The following NOS3 variants were observed in gnomAD, a reference collection of about 807,000 sequenced individuals.
NOS3 encodes nitric oxide synthase 3.
A neutral mutation model predicts 144.9 loss-of-function variants in NOS3; 98 were observed. That is an observed-to-expected ratio of 0.68 (90% CI 0.57 to 0.80). NOS3 has a LOEUF of 0.80. Among genes scored for constraint, NOS3 ranks in the 30% least tolerant of loss-of-function variants. NOS3 has a pLI of 0.00. For synonymous variants in NOS3, 714 were observed against 702.4 expected (o/e 1.02, Z -0.26); for missense variants, 1,465 against 1,656.4 (o/e 0.88, Z 2.01).
chr7:151,002,179 C>T lies in NOS3; in HGVS notation c.1648-21C>T. On this transcript the variant is annotated intron_variant, in intron 13 of 26. Transcript: ENST00000297494. This position sits in a 1 kb window ranked among gnomAD's most constrained non-coding sequence, Gnocchi z 4.1. ...CCTCCGGGGGCCACAGCACCCAGGACATCTGTCTTCCCACCCACAGGTCCT... is the reference window on the plus strand; with the variant it reads ...CCTCCGGGGGCCACAGCACCCAGGATATCTGTCTTCCCACCCACAGGTCCT... 1.3e-6 allele frequency: 2 copies of T among 1,541,556 alleles called. No individual in the cohort carries two copies. The highest frequency in any genetic ancestry group is 1.8e-6 in the Non-Finnish European group (2 of 1,127,306).
At position 150,995,230 on chromosome 7, in the gene NOS3, C is replaced by A. The variant is rs1048775049; in HGVS notation, c.186C>A (p.Pro62=). 1.2e-6 allele frequency: 2 copies of A among 1,610,868 alleles called. No individual in the cohort carries two copies. The highest frequency in any genetic ancestry group is 2.7e-5 in the African/African-American group (2 of 74,838). ...CCCCGAGCTCCCCGCTAACCCAGCC[C>A]CCAGAGGGGCCCAAGTTCCCTCGTG... ...HSPPSSPLTQ[P]PEGPKFPRVK... Residue 62 remains proline, a synonymous_variant, in exon 3 of 27, where the codon CCC becomes CCA. Coordinates refer to ENST00000297494, the MANE Select transcript of NOS3 (RefSeq NM_000603.5).
At chr7:151,012,893 A>C in intron 24 of NOS3, 1 of 358,078 alleles carries the variant, frequency 2.8e-6, no homozygotes, top group Non-Finnish European at 5.1e-6. Flanking sequence ...CTGGGAGGAG[A>C]GTTATAAGTA....
chr7:151,013,552 TCCCGCCCCTGC>T (rs902753979), intron 25 of NOS3, 161 bp from the exon 26 acceptor site: 6 of 931,714 alleles, frequency 6.4e-6, no homozygotes, highest in African/African-American at 6.0e-5. Flanking sequence ...GCCCGCCTCC[TCCCGCCCCTGC>T]CCCGCCCCTT....
At position 151,014,004 on chromosome 7, in the gene NOS3, A is replaced by G; in HGVS notation, c.3451-4A>G. On this transcript the variant is annotated splice_polypyrimidine_tract_variant and splice_region_variant and intron_variant, in intron 26 of 26. Coordinates refer to ENST00000297494, the MANE Select transcript of NOS3 (RefSeq NM_000603.5). ...TTCTGATCCACTGTGCTCTTTTCCG[A>G]CAGGATCAGCAACGCTACCACGAAG... The G allele has an allele frequency of 6.2e-7, 1 of 1,611,916 alleles. No homozygotes were observed. The highest frequency in any genetic ancestry group is 8.5e-7 in the Non-Finnish European group (1 of 1,178,568).
Position 151,010,986 on chromosome 7 carries a change from GGTAA to G in NOS3, c.2984+3_2984+6del, listed in dbSNP as rs756667505. ...GACCCTGTGCCCTGCTTCATCCGGG[GGTAA>G]GTGAGATGGAAGACTTGGTGGGGAG... On this transcript the variant is annotated splice_donor_variant and splice_donor_region_variant and intron_variant, in intron 23 of 26. Coordinates refer to ENST00000297494, the MANE Select transcript of NOS3 (RefSeq NM_000603.5). LOFTEE classifies it high-confidence loss of function. 9.9e-6 allele frequency: 16 copies of G among 1,611,610 alleles called. No homozygotes were observed. The highest frequency in any genetic ancestry group is 4.5e-5 in the East Asian group (2 of 44,830).
chr7:151,010,211 G>A lies in NOS3; in HGVS notation c.2609G>A (p.Ser870Asn), dbSNP rs200630478. ...TTCCTGGACATCACCTCCCCACCCA[G>A]CCCTCAGCTCTTGCGGCTGCTCAGC... ...TFFLDITSPPSPQLLRLLSTL... is the reference protein window; with the variant it reads ...TFFLDITSPPNPQLLRLLSTL... The change falls in exon 21 of 27, where the codon AGC becomes AAC. Residue 870 changes from serine (S) to asparagine (N), a missense_variant. Around this residue, in one of 5 missense-constraint regions of NOS3, gnomAD observed 745 missense variants for 853.9 expected, o/e 0.87. Transcript: ENST00000297494. 6 of 1,612,690 alleles carry A rather than the reference G, an allele frequency of 3.7e-6. No homozygotes were observed. Among genetic ancestry groups the A allele is most frequent in the Middle Eastern group, 2.0e-4 (1 of 4,980 alleles).
At position 150,998,663 on chromosome 7, in the gene NOS3, A is replaced by G. The variant is rs1298737430; in HGVS notation, c.799A>G (p.Asn267Asp). 1 of 1,607,850 alleles carries G rather than the reference A, an allele frequency of 6.2e-7. No individual in the cohort carries two copies. Among genetic ancestry groups the G allele is most frequent in the East Asian group, 2.2e-5 (1 of 44,712 alleles). The part of the protein sequence containing the change: ...QDGSVRGDPA[N>D]VEITELCIQH... ...TGGCTCTGTGCGGGGGGACCCAGCC[A>G]ACGTGGAGATCACCGAGGTGGGCAC... Residue 267 changes from asparagine to aspartate, a missense_variant, in exon 7 of 27, where the codon AAC becomes GAC. Coordinates refer to ENST00000297494, the MANE Select transcript of NOS3 (RefSeq NM_000603.5). The surrounding 1 kb of genome is among the most constrained non-coding windows in gnomAD (Gnocchi z 5.0).
In NOS3 at chr7:150,993,868, G is replaced by A; in HGVS notation, c.65G>A (p.Gly22Asp). ...GPPCGLGLGL[G>D]LGLCGKQGPA... is the part of the protein sequence containing the mutation. Reference sequence around the variant, plus strand: ...CCCTGCGGCCTGGGGCTGGGGCTGGGCCTTGGGCTGTGCGGCAAGCAGGGC... The same window carrying A: ...CCCTGCGGCCTGGGGCTGGGGCTGGACCTTGGGCTGTGCGGCAAGCAGGGC... Residue 22 changes from glycine to aspartate, a missense_variant, in exon 2 of 27, where the codon GGC becomes GAC. Transcript: ENST00000297494. The surrounding 1 kb of genome is among the most constrained non-coding windows in gnomAD (Gnocchi z 4.0). 1 of 1,606,198 alleles carries A rather than the reference G, an allele frequency of 6.2e-7. No homozygotes were observed. Among genetic ancestry groups the A allele is most frequent in the Non-Finnish European group, 8.5e-7 (1 of 1,177,796 alleles).
Position 151,008,950 on chromosome 7 carries a change from T to G in NOS3, c.2133T>G (p.Cys711Trp). 1.2e-6 allele frequency: 2 copies of G among 1,610,156 alleles called. No individual in the cohort carries two copies. Among genetic ancestry groups the G allele is most frequent in the Non-Finnish European group, 1.7e-6 (2 of 1,178,956 alleles). ...AAFQAACETF[C>W]VGEDAKAAAR... Reference sequence around the variant, plus strand: ...CGCAGGCCGCCTGTGAGACCTTCTGTGTGGGAGAGGATGCCAAGGCCGCCG... The same window carrying G: ...CGCAGGCCGCCTGTGAGACCTTCTGGGTGGGAGAGGATGCCAAGGCCGCCG... The change falls in exon 18 of 27, where the codon TGT (cysteine) becomes TGG (tryptophan). Residue 711 changes from cysteine to tryptophan, a missense_variant. Cys to Trp is a radical substitution (Grantham distance 215, BLOSUM62 -2). Coordinates refer to ENST00000297494, the MANE Select transcript of NOS3 (RefSeq NM_000603.5).
intron 17 of NOS3, 33 bp from the exon 18 acceptor site, chr7:151,008,897 G>A (rs771425547): frequency 1.3e-6 from 2 of 1,576,652 alleles, no homozygotes; most frequent in East Asian, 2.3e-5. Context: ...CTGGTGGCGG[G>A]AGGTCCTCAG....
Position 150,998,307 on chromosome 7 carries a change from C to T in NOS3, c.583-50C>T, listed in dbSNP as rs200615246. The T allele has an allele frequency of 8.6e-5, 132 of 1,533,496 alleles. No individual in the cohort carries two copies. In the African/African-American group the frequency reaches 1.4e-3, roughly 16 times the overall value. 95.0% of individuals were successfully genotyped at this position (1,533,496 alleles called of 1,614,324 possible). Reference sequence around the variant, plus strand: ...GCTCCTCTGGAGCTGATACTCAAGACCCCCCGTCTCTCTCCTCACCCTCCT... The same window carrying T: ...GCTCCTCTGGAGCTGATACTCAAGATCCCCCGTCTCTCTCCTCACCCTCCT... On this transcript the variant is annotated intron_variant, in intron 5 of 26. Transcript: ENST00000297494. This position sits in a 1 kb window ranked among gnomAD's most constrained non-coding sequence, Gnocchi z 5.0.
Position 150,993,989 on chromosome 7 carries a change from G to T in NOS3, c.158+28G>T. Reference sequence around the variant, plus strand: ...AAGGGCCAGGCAGCTAGGAGCAGGTGGGCAACAAGGGTGGTGTCAAGGCCT... The same window carrying T: ...AAGGGCCAGGCAGCTAGGAGCAGGTTGGCAACAAGGGTGGTGTCAAGGCCT... On this transcript the variant is annotated intron_variant, in intron 2 of 26. Transcript: ENST00000297494. The surrounding 1 kb of genome is among the most constrained non-coding windows in gnomAD (Gnocchi z 4.0). The T allele has an allele frequency of 6.5e-7, 1 of 1,540,274 alleles. No homozygotes were observed. The highest frequency in any genetic ancestry group is 8.7e-7 in the Non-Finnish European group (1 of 1,147,846).
Position 151,003,554 on chromosome 7 carries a change from G to C in NOS3, c.1752+1250G>C. On this transcript the variant is annotated intron_variant, in intron 14 of 26. Coordinates refer to ENST00000297494, the MANE Select transcript of NOS3 (RefSeq NM_000603.5). This position sits in a 1 kb window ranked among gnomAD's most constrained non-coding sequence, Gnocchi z 4.1. ...GCAATTGACTTTTTTTTAGCATAAA[G>C]GTGTATAGACACCCATATAACCTAC... 7.7e-7 allele frequency: 1 copy of C among 1,297,746 alleles called. No homozygotes were observed. The highest frequency in any genetic ancestry group is 1.0e-6 in the Non-Finnish European group (1 of 984,700). 80.4% of individuals were successfully genotyped at this position (1,297,746 alleles called of 1,614,324 possible). A position where few individuals can be genotyped will look rare whatever the true frequency, so the allele number is the denominator to read the frequency against.
At chr7:151,005,199 TAC>T (rs1456504992) in intron 14 of NOS3, among the ~76,000 whole-genome samples, 2 of 152,218 alleles carry the variant, frequency 1.3e-5, no homozygotes, top group Non-Finnish European at 2.9e-5. Flanking sequence ...TGTGAAAACT[TAC>T]AGAGTTGTAC....
intron 24 of NOS3, chr7:151,012,775 G>C (rs552488106): frequency 2.4e-4 from 85 of 356,364 alleles, no homozygotes; most frequent in Admixed American, 2.9e-4. Flanking sequence ...ATTCTTGACT[G>C]TGCCAGAGCT....
At chr7:151,011,777 G>A (rs1317159367) in intron 23 of NOS3, 4 of 406,238 alleles carry the variant, frequency 9.8e-6, no homozygotes, top group Non-Finnish European at 2.0e-5. Flanking sequence ...TCCCACCTCC[G>A]CCTCCCAAAG....
rs1795263395 is a variant in NOS3 at position 151,009,616 on chromosome 7, C to T, written c.2512+31C>T. The T allele has an allele frequency of 2.0e-6, 3 of 1,477,784 alleles. No homozygotes were observed. In the East Asian group the frequency reaches 7.5e-5, roughly 37 times the overall value. The allele number at this position is 1,477,784 out of a possible 1,614,324, so 91.5% of individuals were successfully genotyped here. On this transcript the variant is annotated intron_variant, in intron 20 of 26. Transcript: ENST00000297494. ...GGGCAGCCTGGGAAGCAACAGGGCA[C>T]ACCAGCCCCATGCCCAGCCCCACCC...
chr7:150,994,547 A>G (rs184888624), intron 2 of NOS3, among the ~76,000 whole-genome samples: 40 of 152,206 alleles, frequency 2.6e-4, no homozygotes, highest in Admixed American at 2.6e-3. Flanking sequence ...TGGACCATGC[A>G]GTTCCCACAA....
intron 17 of NOS3, 146 bp from the exon 18 acceptor site, chr7:151,008,784 C>A: frequency 1.1e-6 from 1 of 903,404 alleles, no homozygotes; most frequent in Non-Finnish European, 1.6e-6. Context: ...AATGGGCTGG[C>A]GGAAAAGGTG....
Sources: allele counts gnomAD v4.1 joint callset (sites outside exome capture counted in the v4.1 genomes callset), GRCh38; gene constraint gnomAD v4.1.1; regional missense constraint gnomAD v4.1.1; non-coding constraint Gnocchi (gnomAD v3.1); transcripts MANE v1.5; gene names NCBI Gene and HGNC (gene_info 2026-07-23, HGNC 2026-07-21).